Variants in KIAA0232 observed in about 807,000 individuals in gnomAD.
KIAA0232 encodes uncharacterized protein KIAA0232.
KIAA0232 carries 27 observed loss-of-function variants against 122.0 expected under a neutral mutation model. The observed-to-expected ratio is 0.22, with a 90% CI of 0.16 to 0.31. KIAA0232 has a LOEUF of 0.31. Among genes scored for constraint, KIAA0232 ranks in the 10% least tolerant of loss-of-function variants. KIAA0232 has a pLI of 1.00. For missense variants in KIAA0232, 1,551 were observed against 1,634.2 expected, an observed-to-expected ratio of 0.95 and a Z score of 0.88; for synonymous variants, 613 against 587.6, an observed-to-expected ratio of 1.04 and a Z score of -0.63.
At position 6,824,175 on chromosome 4, in the gene KIAA0232, AT is replaced by A; in HGVS notation, c.-269-5del. 2.0e-6 allele frequency: 1 copy of A among 499,974 alleles called. No homozygotes were observed. The highest frequency in any genetic ancestry group is 3.5e-6 in the Non-Finnish European group (1 of 283,214). 31.0% of individuals were successfully genotyped at this position (499,974 alleles called of 1,614,324 possible). A position where few individuals can be genotyped will look rare whatever the true frequency, so the allele number is the denominator to read the frequency against. On this transcript the variant is annotated splice_polypyrimidine_tract_variant and intron_variant, in intron 2 of 9. Transcript: ENST00000307659. ...TAATGCATACTTTTTTTCCTCTCTC[AT>A]TTTTGTAGGTTCTGCCGGAGACTTC...
In KIAA0232 at chr4:6,824,436, T is replaced by C. The variant is rs763485869; in HGVS notation, c.-18T>C. The C allele has an allele frequency of 5.6e-6, 9 of 1,597,266 alleles. No homozygotes were observed. The highest frequency in any genetic ancestry group is 7.7e-6 in the Non-Finnish European group (9 of 1,164,686). Reference sequence around the variant, plus strand: ...CAGAAAATGCTTCACATTTTAAGGATGTCGGCAACCTAAATTCATGTACCC... The same window carrying C: ...CAGAAAATGCTTCACATTTTAAGGACGTCGGCAACCTAAATTCATGTACCC... On this transcript the variant is annotated 5_prime_UTR_variant, in exon 3 of 10. An upstream start codon of the reference 5' UTR is lost. Transcript: ENST00000307659.
intron 3 of KIAA0232, among the ~76,000 whole-genome samples, chr4:6,835,921 A>G (rs1051147734): frequency 6.6e-6 from 1 of 152,236 alleles, no homozygotes; most frequent in Non-Finnish European, 1.5e-5. Flanking sequence ...TAGTGCTGCA[A>G]TAAACATACA....
At chr4:6,856,295 G>A (rs1720567733) in intron 4 of KIAA0232, among the ~76,000 whole-genome samples, 2 of 152,136 alleles carry the variant, frequency 1.3e-5, no homozygotes, top group African/African-American at 4.8e-5. Flanking sequence ...ATAAGGACTT[G>A]ATTCCAGTTT....
chr4:6,853,462 G>C (rs1261881428), intron 4 of KIAA0232, among the ~76,000 whole-genome samples: 1 of 152,164 alleles, frequency 6.6e-6, no homozygotes, highest in Non-Finnish European at 1.5e-5. Flanking sequence ...GCTTTGATAG[G>C]TAAATGATTT....
chr4:6,851,118 C>G (rs1418420290), intron 4 of KIAA0232, among the ~76,000 whole-genome samples: 1 of 152,182 alleles, frequency 6.6e-6, no homozygotes, highest in Non-Finnish European at 1.5e-5. Flanking sequence ...AGCTATGGCC[C>G]TAACCAGAAT....
chr4:6,880,952 C>G lies in KIAA0232; in HGVS notation c.4174C>G (p.Arg1392Gly). The change falls in exon 10 of 10, where the codon CGA (arginine) becomes GGA (glycine). Residue 1392 changes from arginine to glycine, a missense_variant. Transcript: ENST00000307659. Reference protein sequence around the residue: ...VGPSEEELFSRTHL With the variant: ...VGPSEEELFSGTHL ...CCCTAGTGAAGAGGAGCTCTTTTCTCGAACTCATCTCTAAACCTGCAAAAT... is the reference window on the plus strand; with the variant it reads ...CCCTAGTGAAGAGGAGCTCTTTTCTGGAACTCATCTCTAAACCTGCAAAAT... The G allele has an allele frequency of 6.4e-7, 1 of 1,556,466 alleles. No individual in the cohort carries two copies. The highest frequency in any genetic ancestry group is 8.7e-7 in the Non-Finnish European group (1 of 1,150,312).
intron 1 of KIAA0232, among the ~76,000 whole-genome samples, chr4:6,793,573 T>C (rs1717001258): frequency 6.6e-6 from 1 of 152,106 alleles, no homozygotes; most frequent in East Asian, 1.9e-4. Context: ...GAAATGAAAA[T>C]AAAGTTTATT....
intron 7 of KIAA0232, among the ~76,000 whole-genome samples, chr4:6,866,964 C>T (rs976287440): frequency 6.6e-6 from 1 of 152,190 alleles, no homozygotes; most frequent in Non-Finnish European, 1.5e-5. Flanking sequence ...AAGGTTTCCT[C>T]CCCAGCGGCA....
At chr4:6,791,475 T>A (rs962789826) in intron 1 of KIAA0232, among the ~76,000 whole-genome samples, 1 of 151,682 alleles carries the variant, frequency 6.6e-6, no homozygotes, top group Admixed American at 6.6e-5. Flanking sequence ...ACTACAGTTA[T>A]GCACCACCAC....
At chr4:6,825,450 G>T (rs370892840) in intron 3 of KIAA0232, among the ~76,000 whole-genome samples, 1 of 152,230 alleles carries the variant, frequency 6.6e-6, no homozygotes, top group East Asian at 1.9e-4. Context: ...AGCTACTCAG[G>T]AGGCTGAGGT....
At chr4:6,879,012 T>G (rs1450473539) in intron 9 of KIAA0232, among the ~76,000 whole-genome samples, 3 of 152,102 alleles carry the variant, frequency 2.0e-5, no homozygotes, top group Non-Finnish European at 4.4e-5. Context: ...TCTCTCATCT[T>G]CCACACACAG....
intron 1 of KIAA0232, among the ~76,000 whole-genome samples, chr4:6,801,447 G>A (rs1043538804): frequency 6.6e-6 from 1 of 152,158 alleles, no homozygotes; most frequent in Non-Finnish European, 1.5e-5. Flanking sequence ...CTGGCCCTTT[G>A]GGAGGCTGAG....
intron 4 of KIAA0232, among the ~76,000 whole-genome samples, chr4:6,854,617 C>G (rs564084595): frequency 7.9e-4 from 120 of 152,214 alleles, no homozygotes; most frequent in African/African-American, 2.6e-3. Context: ...GTTTGGAGTA[C>G]TGTAATTTGA....
chr4:6,870,333 A>G (rs1721406096), intron 7 of KIAA0232, among the ~76,000 whole-genome samples: 2 of 152,250 alleles, frequency 1.3e-5, no homozygotes, highest in Admixed American at 1.3e-4. Flanking sequence ...TGTGAAGGAT[A>G]TGAGTCTCTC....
Position 6,882,620 on chromosome 4 carries a change from G to GT in KIAA0232, c.*1654_*1655insT, listed in dbSNP as rs1560219012. ...AACACATTTTTTGACACTTTAAGGT[G>GT]GGTGGGTGTGTGTGTGTGTGTGTGT... On this transcript the variant is annotated 3_prime_UTR_variant, in exon 10 of 10. Transcript: ENST00000307659. 3.6e-5 allele frequency: 5 copies of GT among 140,312 alleles called. No homozygotes were observed. The highest frequency in any genetic ancestry group is 1.3e-4 in the African/African-American group (5 of 38,640). 8.7% of individuals were successfully genotyped at this position (140,312 alleles called of 1,614,324 possible).
intron 1 of KIAA0232, among the ~76,000 whole-genome samples, chr4:6,801,542 A>T (rs1291287793): frequency 1.3e-5 from 2 of 151,858 alleles, no homozygotes; most frequent in African/African-American, 4.8e-5. Context: ...AAAAAGCTGG[A>T]CTTGATGGCC....
intron 7 of KIAA0232, among the ~76,000 whole-genome samples, chr4:6,866,003 G>A (rs1432127531): frequency 6.6e-6 from 1 of 152,156 alleles, no homozygotes; most frequent in Non-Finnish European, 1.5e-5. Context: ...ATTCTAGGAA[G>A]CCCCCAGGCG....
In KIAA0232 at chr4:6,824,490, C is replaced by A. The variant is rs1331549903; in HGVS notation, c.37C>A (p.Pro13Thr). ...PICTVVVDGLPSESSSSSYPG... is the reference protein window; with the variant it reads ...PICTVVVDGLTSESSSSSYPG... The stretch of plus-strand genomic sequence containing the variant: ...CTGTACAGTTGTTGTGGATGGTTTG[C>A]CATCTGAAAGCTCCTCAAGTTCTTA... Residue 13 changes from proline to threonine, a missense_variant, in exon 3 of 10, where the codon CCA (proline) becomes ACA (threonine). This residue lies in a region of KIAA0232 where 37 missense variants were observed against 28.5 expected (regional missense o/e 1.30). Transcript: ENST00000307659. 2 of 1,614,140 alleles carry A rather than the reference C, an allele frequency of 1.2e-6. No individual in the cohort carries two copies. Among genetic ancestry groups the A allele is most frequent in the Non-Finnish European group, 1.7e-6 (2 of 1,180,004 alleles).
chr4:6,793,991 TA>T (rs1366993653), intron 1 of KIAA0232, among the ~76,000 whole-genome samples: 24 of 152,248 alleles, frequency 1.6e-4, no homozygotes, highest in African/African-American at 5.3e-4. Context: ...TATTCATTCA[TA>T]AAGTATTTGT....
Sources: gnomAD v4.1 joint callset for allele counts (sites outside exome capture counted in the v4.1 genomes callset) on GRCh38, gnomAD v4.1.1 for gene constraint, gnomAD v4.1.1 regional missense constraint, MANE v1.5 for transcripts, NCBI Gene and HGNC (gene_info 2026-07-23, HGNC 2026-07-21) for gene names.